Variants in PDZRN3 observed in about 807,000 individuals in gnomAD.
PDZRN3 encodes the protein E3 ubiquitin-protein ligase PDZRN3.
A neutral mutation model predicts 85.7 loss-of-function variants in PDZRN3; 38 were observed. The ratio of observed to expected loss-of-function variants is 0.44; its 90% CI spans 0.34 to 0.58. The LOEUF is 0.58. Ranked by LOEUF, PDZRN3 falls within the 20% of genes least tolerant of loss-of-function variation. The pLI is 0.01. For synonymous variants in PDZRN3, 759 were observed against 638.0 expected, an observed-to-expected ratio of 1.19 and a Z score of -2.86; for missense variants, 1,629 against 1,506.4, an observed-to-expected ratio of 1.08 and a Z score of -1.35.
intron 3 of PDZRN3, among the ~76,000 whole-genome samples, chr3:73,580,050 C>T (rs1702176630): frequency 6.6e-6 from 1 of 152,094 alleles, no homozygotes; most frequent in African/African-American, 2.4e-5. Flanking sequence ...CCCAAGTCTC[C>T]ATATTCTGTA....
In PDZRN3 at chr3:73,384,696, A is replaced by G. The variant is rs1169432128; in HGVS notation, c.1870T>C (p.Ser624Pro). 3 of 1,613,750 alleles carry G rather than the reference A, an allele frequency of 1.9e-6. No individual in the cohort carries two copies. The highest frequency in any genetic ancestry group is 2.5e-6 in the Non-Finnish European group (3 of 1,179,980). The part of the protein sequence containing the change: ...GSGDLPFSNE[S>P]FISADCTDAD... The stretch of plus-strand genomic sequence containing the variant: ...TCCGTGCAGTCGGCCGAAATGAAAG[A>G]CTCGTTGCTGAAGGGCAGGTCGCCG... Residue 624 changes from serine (S) to proline (P), a missense_variant, in exon 10 of 10, where the codon TCT becomes CCT. Ser to Pro is a moderately conservative substitution (Grantham distance 74). Coordinates refer to ENST00000263666, the MANE Select transcript of PDZRN3 (RefSeq NM_015009.3).
At chr3:73,414,918 CTT>C (rs1257611461) in intron 3 of PDZRN3, among the ~76,000 whole-genome samples, 1 of 152,220 alleles carries the variant, frequency 6.6e-6, no homozygotes, top group Non-Finnish European at 1.5e-5. Context: ...CAGGAATCAT[CTT>C]TTGCTTCTTT....
intron 3 of PDZRN3, among the ~76,000 whole-genome samples, chr3:73,451,266 A>G (rs1702855583): frequency 6.6e-6 from 1 of 152,170 alleles, no homozygotes; most frequent in Non-Finnish European, 1.5e-5. Flanking sequence ...GTAAAAAAAT[A>G]ATTGCTCTCA....
At position 73,554,353 on chromosome 3, in the gene PDZRN3, GACACAC is replaced by G. The variant is rs35130068; in HGVS notation, c.918+47995_918+48000del. Among the ~76,000 whole-genome samples the G allele has an allele frequency of 7.7e-3, 1,137 of 147,614 alleles. 9 individuals carry two copies. Among genetic ancestry groups the G allele is most frequent in the African/African-American group, 0.025 (1,004 of 39,994 alleles). ...ATATCTCACAGGATTGTTGAGAGAAGACACACACACACACACACACACACACACACA... is the reference window on the plus strand; with the variant it reads ...ATATCTCACAGGATTGTTGAGAGAAGACACACACACACACACACACACACA... On this transcript the variant is annotated intron_variant, in intron 3 of 9. Coordinates refer to ENST00000263666, the MANE Select transcript of PDZRN3 (RefSeq NM_015009.3).
At chr3:73,385,571 C>T in intron 9 of PDZRN3, 98 bp downstream of exon 9, 1 of 730,034 alleles carries the variant, frequency 1.4e-6, no homozygotes, top group Middle Eastern at 2.7e-4. Flanking sequence ...GGTGGATGGA[C>T]TTCTGATGGT....
intron 2 of PDZRN3, among the ~76,000 whole-genome samples, chr3:73,605,808 T>C (rs879489994): frequency 6.6e-6 from 1 of 152,242 alleles, no homozygotes; most frequent in Non-Finnish European, 1.5e-5. Context: ...CACATGCACA[T>C]GGAATTAAAT....
chr3:73,419,541 TGCTTTAGGC>T (rs1702157966), intron 3 of PDZRN3, among the ~76,000 whole-genome samples: 1 of 152,206 alleles, frequency 6.6e-6, no homozygotes, highest in African/African-American at 2.4e-5. Context: ...TTTCTTTAGT[TGCTTTAGGC>T]AACACTAAGT....
intron 3 of PDZRN3, among the ~76,000 whole-genome samples, chr3:73,511,701 C>A (rs1350849719): frequency 6.6e-6 from 1 of 152,202 alleles, no homozygotes; most frequent in African/African-American, 2.4e-5. Context: ...AAAAGCAGTT[C>A]TGCTGGCAAA....
intron 3 of PDZRN3, among the ~76,000 whole-genome samples, chr3:73,567,874 T>G (rs1701977265): frequency 6.6e-6 from 1 of 152,184 alleles, no homozygotes; most frequent in African/African-American, 2.4e-5. Context: ...TTCATGGAGT[T>G]TATGTGTTTT....
intron 3 of PDZRN3, among the ~76,000 whole-genome samples, chr3:73,525,753 T>C (rs1204960919): frequency 6.6e-6 from 1 of 152,194 alleles, no homozygotes; most frequent in Admixed American, 6.5e-5. Flanking sequence ...TCCCTACTTG[T>C]TGCCTCCTGC....
intron 3 of PDZRN3, among the ~76,000 whole-genome samples, chr3:73,560,272 T>C (rs1380935841): frequency 6.6e-6 from 1 of 152,262 alleles, no homozygotes; most frequent in African/African-American, 2.4e-5. Context: ...TTGACTGTTA[T>C]AAGCATCTTA....
At chr3:73,450,169 T>C (rs1242187128) in intron 3 of PDZRN3, among the ~76,000 whole-genome samples, 1 of 152,232 alleles carries the variant, frequency 6.6e-6, no homozygotes, top group Non-Finnish European at 1.5e-5. Flanking sequence ...GATATTTTTA[T>C]ATTTAATGTG....
At chr3:73,567,570 G>A (rs9861090) in intron 3 of PDZRN3, among the ~76,000 whole-genome samples, 133,570 of 152,108 alleles carry the variant, frequency 0.88, 58,652 homozygotes, top group African/African-American at 0.89. Flanking sequence ...CACTGAATTA[G>A]AAAAAACTCC....
At chr3:73,584,454 T>G (rs7632633) in intron 3 of PDZRN3, among the ~76,000 whole-genome samples, 22 of 8,668 alleles carry the variant, frequency 2.5e-3, no homozygotes, top group African/African-American at 0.019. Flanking sequence ...CATTTAATGG[T>G]GTGTGTGTGT....
intron 8 of PDZRN3, among the ~76,000 whole-genome samples, chr3:73,387,321 C>G (rs955522078): frequency 7.9e-5 from 12 of 152,222 alleles, no homozygotes; most frequent in African/African-American, 2.9e-4. Context: ...AGAGTGCCAC[C>G]TGGGTGAGTT....
At chr3:73,505,083 A>G (rs1458892917) in intron 3 of PDZRN3, among the ~76,000 whole-genome samples, 1 of 152,194 alleles carries the variant, frequency 6.6e-6, no homozygotes, top group Non-Finnish European at 1.5e-5. Flanking sequence ...TCCTAGTCTA[A>G]GATAGTGTGA....
chr3:73,383,997 T>C lies in PDZRN3; in HGVS notation c.2569A>G (p.Ser857Gly). The change falls in exon 10 of 10, where the codon AGC becomes GGC. Residue 857 changes from serine (S) to glycine (G), a missense_variant. Coordinates refer to ENST00000263666, the MANE Select transcript of PDZRN3 (RefSeq NM_015009.3). ...RSPTPSQKLG[S>G]AYLPSYHHSP... ...TGGTGATAGGAGGGCAGGTAGGCGC[T>C]GCCCAGCTTCTGGCTGGGCGTGGGG... 6.3e-7 allele frequency: 1 copy of C among 1,589,916 alleles called. No individual in the cohort carries two copies. The highest frequency in any genetic ancestry group is 8.5e-7 in the Non-Finnish European group (1 of 1,170,180).
intron 3 of PDZRN3, among the ~76,000 whole-genome samples, chr3:73,561,897 C>T (rs911459982): frequency 2.6e-5 from 4 of 151,090 alleles, no homozygotes; most frequent in Non-Finnish European, 5.9e-5. Flanking sequence ...ATTAACATCA[C>T]AGAGAAACCC....
intron 3 of PDZRN3, among the ~76,000 whole-genome samples, chr3:73,564,513 C>A (rs1220573625): frequency 2.6e-5 from 4 of 152,166 alleles, no homozygotes; most frequent in Non-Finnish European, 5.9e-5. Flanking sequence ...GGTTTCTTCT[C>A]CGCCCTGCAC....
Sources: allele counts gnomAD v4.1 joint callset (sites outside exome capture counted in the v4.1 genomes callset), GRCh38; gene constraint gnomAD v4.1.1; transcripts MANE v1.5; gene names NCBI Gene and HGNC (gene_info 2026-07-23, HGNC 2026-07-21).